The following SVEP1 variants were observed in gnomAD, a reference collection of about 807,000 sequenced individuals.
The protein encoded by SVEP1 is sushi, von Willebrand factor type A, EGF and pentraxin domain containing 1, also known as sushi, von Willebrand factor type A, EGF and pentraxin domain-containing protein 1.
In SVEP1, 164 loss-of-function variants were observed where a neutral mutation model predicts 367.3. The ratio of observed to expected loss-of-function variants is 0.45; its 90% CI spans 0.39 to 0.51. SVEP1 has a LOEUF of 0.51. Ranked by LOEUF, SVEP1 falls within the 20% of genes least tolerant of loss-of-function variation. The probability of loss-of-function intolerance (pLI) is 0.00; values close to 1 mark genes in which losing one functional copy is unlikely to be tolerated. For missense variants in SVEP1, 4,117 were observed against 4,425.3 expected, an observed-to-expected ratio of 0.93 and a Z score of 1.98; for synonymous variants, 1,666 against 1,611.6, an observed-to-expected ratio of 1.03 and a Z score of -0.81.
chr9:110,502,897 G>T (rs1343211103), intron 6 of SVEP1, 141 bp downstream of exon 6: 2 of 769,262 alleles, frequency 2.6e-6, no homozygotes, highest in Non-Finnish European at 3.9e-6. Flanking sequence ...TTTTGTATCT[G>T]TAACACCTGC....
chr9:110,425,801 T>C (rs1828245082), intron 36 of SVEP1, among the ~76,000 whole-genome samples: 1 of 152,218 alleles, frequency 6.6e-6, no homozygotes. Context: ...TAGCATCATC[T>C]TTAATATTCA....
chr9:110,372,426 A>G (rs560965708), intron 46 of SVEP1, among the ~76,000 whole-genome samples: 24 of 152,270 alleles, frequency 1.6e-4, no homozygotes, highest in Middle Eastern at 6.8e-3. Context: ...AACTATGCTG[A>G]GGTAGCTGCT....
At chr9:110,560,580 C>T (rs182010947) in intron 1 of SVEP1, among the ~76,000 whole-genome samples, 3 of 152,170 alleles carry the variant, frequency 2.0e-5, no homozygotes, top group Non-Finnish European at 2.9e-5. Context: ...CAACTTCCAA[C>T]GTGAAGTTCC....
chr9:110,428,775 C>T lies in SVEP1; in HGVS notation c.5807+368G>A, dbSNP rs772833377. Among the ~76,000 whole-genome samples the T allele has an allele frequency of 2.4e-3, 163 of 67,476 alleles. 2 individuals carry two copies. The highest frequency in any genetic ancestry group is 5.0e-3 in the Non-Finnish European group (130 of 26,018). The allele number at this position is 67,476 out of a possible 152,430, so 44.3% of individuals were successfully genotyped here. ...TCAGCCAGTCACGTACAAATGAAACCTATTGAGTAAAGAATACAGGCACGG... is the reference window on the plus strand; with the variant it reads ...TCAGCCAGTCACGTACAAATGAAACTTATTGAGTAAAGAATACAGGCACGG... On this transcript the variant is annotated intron_variant, in intron 35 of 47. Transcript: ENST00000374469.
At chr9:110,440,069 A>C (rs930592965) in intron 27 of SVEP1, among the ~76,000 whole-genome samples, 1 of 152,158 alleles carries the variant, frequency 6.6e-6, no homozygotes, top group African/African-American at 2.4e-5. Context: ...AAACAAGAAC[A>C]CACTAAATGA....
chr9:110,500,622 C>T (rs906347705), intron 6 of SVEP1, among the ~76,000 whole-genome samples: 4 of 151,968 alleles, frequency 2.6e-5, no homozygotes, highest in African/African-American at 9.7e-5. Context: ...GAATTTATTT[C>T]TGTGTTCAGT....
In SVEP1 at chr9:110,431,906, A is replaced by G. The variant is rs907524059; in HGVS notation, c.5353+9T>C. Reference sequence around the variant, plus strand: ...ATTAGGAACTTTTAGTTCTACATATATTGGTTACCTGCACAGTTTTTCCCA... The same window carrying G: ...ATTAGGAACTTTTAGTTCTACATATGTTGGTTACCTGCACAGTTTTTCCCA... On this transcript the variant is annotated intron_variant, in intron 32 of 47. Coordinates refer to ENST00000374469, the MANE Select transcript of SVEP1 (RefSeq NM_153366.4). 6.2e-7 allele frequency: 1 copy of G among 1,613,430 alleles called. No individual in the cohort carries two copies. Among genetic ancestry groups the G allele is most frequent in the Middle Eastern group, 1.7e-4 (1 of 6,056 alleles).
chr9:110,512,946 C>G lies in SVEP1; in HGVS notation c.1283G>C (p.Gly428Ala). ...ILCLPNGLWS[G>A]SESYCRVRTC... is the part of the protein sequence containing the mutation. Reference sequence around the variant, plus strand: ...CATACCTCTGCAGTAGCTCTCTGAACCGGACCACAAACCATTGGGTAGACA... The same window carrying G: ...CATACCTCTGCAGTAGCTCTCTGAAGCGGACCACAAACCATTGGGTAGACA... Residue 428 changes from glycine (G) to alanine (A), a missense_variant, in exon 5 of 48, where the codon GGT (glycine) becomes GCT (alanine). Gly to Ala is a moderately conservative substitution (Grantham distance 60). Coordinates refer to ENST00000374469, the MANE Select transcript of SVEP1 (RefSeq NM_153366.4). The G allele has an allele frequency of 6.2e-7, 1 of 1,613,940 alleles. No individual in the cohort carries two copies. Among genetic ancestry groups the G allele is most frequent in the East Asian group, 2.2e-5 (1 of 44,876 alleles).
Position 110,445,915 on chromosome 9 carries a change from T to C in SVEP1, c.4385A>G (p.Asp1462Gly). 5.0e-6 allele frequency: 8 copies of C among 1,613,962 alleles called. No homozygotes were observed. Among genetic ancestry groups the C allele is most frequent in the Non-Finnish European group, 6.8e-6 (8 of 1,179,858 alleles). Residue 1462 changes from aspartate to glycine, a missense_variant, in exon 26 of 48, where the codon GAC (aspartate) becomes GGC (glycine). Asp to Gly is a moderately conservative substitution (Grantham distance 94). Around this residue, in one of 4 missense-constraint regions of SVEP1, gnomAD observed 2,174 missense variants for 2,494.3 expected, o/e 0.87. Coordinates refer to ENST00000374469, the MANE Select transcript of SVEP1 (RefSeq NM_153366.4). ...GGAGATTGGTGTTCCATAGTTCATG[T>C]CGTCAGAGGATTTCATCCAGAAGGT... ...TCTFWMKSSDDMNYGTPISYA... is the reference protein window; with the variant it reads ...TCTFWMKSSDGMNYGTPISYA...
intron 4 of SVEP1, 116 bp downstream of exon 4, chr9:110,513,832 A>G: frequency 8.0e-7 from 1 of 1,244,956 alleles, no homozygotes; most frequent in Non-Finnish European, 1.1e-6. Context: ...AAAAAATATG[A>G]TTAGAGAAAA....
intron 6 of SVEP1, among the ~76,000 whole-genome samples, chr9:110,501,940 T>C (rs1829538665): frequency 6.6e-6 from 1 of 152,156 alleles, no homozygotes; most frequent in Non-Finnish European, 1.5e-5. Context: ...CTAGTATATT[T>C]GCTTTTACAG....
intron 18 of SVEP1, among the ~76,000 whole-genome samples, chr9:110,462,725 CAGAGAG>C (rs147630659): frequency 1.3e-5 from 2 of 149,534 alleles, no homozygotes; most frequent in Admixed American, 6.7e-5. Context: ...GACAGAGAGA[CAGAGAG>C]AGAGAGAGAA....
chr9:110,385,901 C>G lies in SVEP1; in HGVS notation c.10234G>C (p.Glu3412Gln), dbSNP rs145193955. 9,612 of 1,611,606 alleles carry G rather than the reference C, an allele frequency of 6.0e-3. 42 individuals are homozygous for G. The highest frequency in any genetic ancestry group is 0.011 in the South Asian group (1,001 of 90,506). Residue 3412 changes from glutamate to glutamine, a missense_variant, in exon 43 of 48, where the codon GAA (glutamate) becomes CAA (glutamine). Around this residue, in one of 4 missense-constraint regions of SVEP1, gnomAD observed 1,765 missense variants for 1,781.1 expected, o/e 0.99. Coordinates refer to ENST00000374469, the MANE Select transcript of SVEP1 (RefSeq NM_153366.4). ...ETWTQTSAKC[E>Q]KISCGPPAHV... Reference sequence around the variant, plus strand: ...TGGCTTCCGCCTGCTGACTTACTTTCACATTTGGCGCTTGTCTGTGTCCAC... The same window carrying G: ...TGGCTTCCGCCTGCTGACTTACTTTGACATTTGGCGCTTGTCTGTGTCCAC...
chr9:110,568,750 G>A (rs1588112393), intron 1 of SVEP1, among the ~76,000 whole-genome samples: 1 of 152,196 alleles, frequency 6.6e-6, no homozygotes, highest in Non-Finnish European at 1.5e-5. Context: ...AATTAGAAGT[G>A]TTGGTATTTT....
chr9:110,563,881 T>C (rs1830458760), intron 1 of SVEP1, among the ~76,000 whole-genome samples: 1 of 152,224 alleles, frequency 6.6e-6, no homozygotes, highest in African/African-American at 2.4e-5. Context: ...AACTCTGTAG[T>C]ACCTGTCTAC....
intron 1 of SVEP1, among the ~76,000 whole-genome samples, chr9:110,576,386 A>G (rs1415453818): frequency 6.6e-6 from 1 of 152,172 alleles, no homozygotes; most frequent in African/African-American, 2.4e-5. Flanking sequence ...GAGGATGTAC[A>G]ATTGAATCCT....
At position 110,387,513 on chromosome 9, in the gene SVEP1, T is replaced by C. The variant is rs189994659; in HGVS notation, c.9887-55A>G. ...ATTGCTTCCCCAATTCCTCTTTCCTTCTTTTCCTATGATTGCCAAAGATAT... is the reference window on the plus strand; with the variant it reads ...ATTGCTTCCCCAATTCCTCTTTCCTCCTTTTCCTATGATTGCCAAAGATAT... On this transcript the variant is annotated intron_variant, in intron 41 of 47. Transcript: ENST00000374469. 2.3e-4 allele frequency: 341 copies of C among 1,484,038 alleles called. 1 individual carries two copies. The highest frequency in any genetic ancestry group is 2.0e-3 in the Admixed American group (77 of 38,436). The allele number at this position is 1,484,038 out of a possible 1,614,324, so 91.9% of individuals were successfully genotyped here.
chr9:110,554,122 C>T (rs914984138), intron 1 of SVEP1, among the ~76,000 whole-genome samples: 1 of 152,130 alleles, frequency 6.6e-6, no homozygotes, highest in Non-Finnish European at 1.5e-5. Context: ...ACTTGCTCTA[C>T]TTGCTTATTC....
At chr9:110,513,183 A>G in intron 4 of SVEP1, 78 bp from the exon 5 acceptor site, 1 of 1,373,708 alleles carries the variant, frequency 7.3e-7, no homozygotes, top group Admixed American at 2.7e-5. Context: ...TTTTCTTTCA[A>G]GGGGGCATTT....
Sources: allele counts gnomAD v4.1 joint callset (sites outside exome capture counted in the v4.1 genomes callset), GRCh38; gene constraint gnomAD v4.1.1; regional missense constraint gnomAD v4.1.1; transcripts MANE v1.5; gene names NCBI Gene and HGNC (gene_info 2026-07-23, HGNC 2026-07-21).